Variants in SYT14 observed in about 807,000 individuals in gnomAD.
The protein encoded by SYT14 is synaptotagmin-14.
SYT14 carries 32 observed loss-of-function variants against 74.2 expected under a neutral mutation model. The ratio of observed to expected loss-of-function variants is 0.43; its 90% CI spans 0.33 to 0.58. SYT14 has a LOEUF of 0.58. SYT14 is among the 20% of genes least tolerant of loss of function. The pLI is 0.05. For missense variants in SYT14, 791 were observed against 981.8 expected (o/e 0.81, Z 2.60); for synonymous variants, 298 against 337.7 (o/e 0.88, Z 1.29).
chr1:210,055,646 A>G (rs1382247401), intron 5 of SYT14, among the ~76,000 whole-genome samples: 2 of 151,520 alleles, frequency 1.3e-5, no homozygotes, highest in African/African-American at 4.9e-5. Flanking sequence ...ATGAAACCGC[A>G]TCTCTACAAA....
chr1:210,099,570 G>T (rs1470685839), intron 6 of SYT14, among the ~76,000 whole-genome samples: 1 of 152,004 alleles, frequency 6.6e-6, no homozygotes, highest in African/African-American at 2.4e-5. Context: ...TCTGAAAACG[G>T]AACCAAATTT....
At chr1:209,957,262 CCTTT>C (rs1228870181) in intron 2 of SYT14, among the ~76,000 whole-genome samples, 2 of 152,086 alleles carry the variant, frequency 1.3e-5, no homozygotes, top group Admixed American at 1.3e-4. Context: ...CTTTTCTCTT[CCTTT>C]GTTTACACCA....
rs766755858 is a variant in SYT14, at chr1:209,938,277, G to A, written c.-534G>A. Reference sequence around the variant, plus strand: ...TGGCGAGCGCATCATGGCGATTGAAGGTAAGTGGAGGCTGACAGCGGGGAG... The same window carrying A: ...TGGCGAGCGCATCATGGCGATTGAAAGTAAGTGGAGGCTGACAGCGGGGAG... On this transcript the variant is annotated splice_region_variant and 5_prime_UTR_variant, in exon 1 of 10. Coordinates refer to ENST00000637265, the Ensembl canonical transcript of SYT14. The A allele has an allele frequency of 7.0e-6, 11 of 1,560,812 alleles. No individual in the cohort carries two copies. The Admixed American group carries it at 8.9e-5, about 13-fold the overall frequency.
chr1:210,112,591 G>A (rs6540580), intron 7 of SYT14, among the ~76,000 whole-genome samples: 99,849 of 150,904 alleles, frequency 0.66, 34,419 homozygotes, highest in East Asian at 0.85. Flanking sequence ...AGTGAGGGAC[G>A]GAAGTTGGAA....
At chr1:210,138,953 A>C (rs899558115) in intron 7 of SYT14, among the ~76,000 whole-genome samples, 1 of 152,314 alleles carries the variant, frequency 6.6e-6, no homozygotes, top group African/African-American at 2.4e-5. Context: ...ACAAACCTAA[A>C]TATCAAATTT....
At chr1:210,077,317 C>T (rs189168211) in intron 5 of SYT14, among the ~76,000 whole-genome samples, 7 of 152,220 alleles carry the variant, frequency 4.6e-5, no homozygotes, top group East Asian at 1.9e-4. Flanking sequence ...AAGACAGCCC[C>T]GAGCCGTGAG....
At position 209,961,281 on chromosome 1, in the gene SYT14, A is replaced by G. The variant is rs186713585; in HGVS notation, c.-486+8525A>G. ...TGTGAAGGTGTAGAACTATATTCTG[A>G]CTTTTTGGGGGCTGGGATAGGTACA... On this transcript the variant is annotated intron_variant, in intron 2 of 9. Coordinates refer to ENST00000637265, the Ensembl canonical transcript of SYT14. Among the ~76,000 whole-genome samples, 10 of 152,228 alleles carry G rather than the reference A, an allele frequency of 6.6e-5. No individual in the cohort carries two copies. In the East Asian group the frequency reaches 1.9e-3, roughly 29 times the overall value.
At chr1:210,136,789 T>A (rs1361466669) in intron 7 of SYT14, among the ~76,000 whole-genome samples, 2 of 152,094 alleles carry the variant, frequency 1.3e-5, no homozygotes, top group African/African-American at 4.8e-5. Context: ...ATAGTGAGAC[T>A]GGGAGGGAGA....
At chr1:210,022,134 G>C (rs1341224921) in intron 5 of SYT14, among the ~76,000 whole-genome samples, 1 of 152,068 alleles carries the variant, frequency 6.6e-6, no homozygotes, top group East Asian at 1.9e-4. Flanking sequence ...AGCTATCCTT[G>C]ATTTTGTAGC....
chr1:209,972,261 T>A (rs1453133871), intron 2 of SYT14, among the ~76,000 whole-genome samples: 1 of 151,988 alleles, frequency 6.6e-6, no homozygotes, highest in African/African-American at 2.4e-5. Flanking sequence ...TTTTCTTTTT[T>A]AATCTAGTGG....
At chr1:210,018,876 G>A (rs1022065967) in intron 4 of SYT14, among the ~76,000 whole-genome samples, 5 of 152,000 alleles carry the variant, frequency 3.3e-5, no homozygotes, top group African/African-American at 9.7e-5. Flanking sequence ...GGTGGCTCAC[G>A]CCTGTAATCC....
At chr1:210,144,759 A>G (rs183599928) in intron 7 of SYT14, among the ~76,000 whole-genome samples, 180 of 152,230 alleles carry the variant, frequency 1.2e-3, no homozygotes, top group African/African-American at 4.1e-3. Flanking sequence ...AACAGATTCA[A>G]ATCATCTCAT....
intron 5 of SYT14, among the ~76,000 whole-genome samples, chr1:210,037,440 C>T (rs946081031): frequency 3.3e-5 from 5 of 150,412 alleles, no homozygotes; most frequent in Admixed American, 1.3e-4. Context: ...CTGCTCTGAT[C>T]TTTGTTATTT....
intron 5 of SYT14, among the ~76,000 whole-genome samples, chr1:210,029,224 T>A (rs2080476848): frequency 6.6e-6 from 1 of 152,158 alleles, no homozygotes; most frequent in Admixed American, 6.5e-5. Context: ...TGGGATGGCA[T>A]TTTTTACTCT....
chr1:210,149,514 C>T (rs1379819395), intron 7 of SYT14, among the ~76,000 whole-genome samples: 2 of 152,004 alleles, frequency 1.3e-5, no homozygotes, highest in Non-Finnish European at 2.9e-5. Flanking sequence ...ATGACCATTT[C>T]CACATGATGC....
exon 10 of SYT14, chr1:210,168,196 T>C (rs2083476239): frequency 3.9e-5 from 6 of 152,296 alleles, no homozygotes. Context: ...GGCATAATTT[T>C]ATTGTAAAAT....
intron 5 of SYT14, among the ~76,000 whole-genome samples, chr1:210,062,559 G>T (rs1183565735): frequency 1.3e-5 from 2 of 151,806 alleles, no homozygotes; most frequent in African/African-American, 4.8e-5. Flanking sequence ...TTTGATGCTT[G>T]TTATACCACT....
chr1:210,066,229 TG>T (rs1296252303), intron 5 of SYT14, among the ~76,000 whole-genome samples: 1 of 152,198 alleles, frequency 6.6e-6, no homozygotes, highest in East Asian at 1.9e-4. Context: ...TATAATCCTT[TG>T]GGTATATACC....
intron 5 of SYT14, among the ~76,000 whole-genome samples, chr1:210,076,597 A>C (rs776261457): frequency 6.6e-6 from 1 of 152,198 alleles, no homozygotes; most frequent in Non-Finnish European, 1.5e-5. Context: ...GTTTATAAAG[A>C]AAAGAGGTTT....
Sources: allele counts gnomAD v4.1 joint callset (sites outside exome capture counted in the v4.1 genomes callset), GRCh38; gene constraint gnomAD v4.1.1; transcripts MANE v1.5; gene names NCBI Gene and HGNC (gene_info 2026-07-23, HGNC 2026-07-21).